Variants in HS3ST4 observed in about 807,000 individuals in gnomAD.
HS3ST4 encodes heparan sulfate glucosamine 3-O-sulfotransferase 4.
A neutral mutation model predicts 29.2 loss-of-function variants in HS3ST4; 17 were observed. The observed-to-expected ratio is 0.58, with a 90% CI of 0.40 to 0.87. HS3ST4 has a LOEUF of 0.87. Among genes scored for constraint, HS3ST4 ranks in the 40% least tolerant of loss-of-function variants. The pLI is 0.00. For synonymous variants in HS3ST4, 314 were observed against 285.7 expected, an observed-to-expected ratio of 1.10 and a Z score of -1.00; for missense variants, 627 against 634.5, an observed-to-expected ratio of 0.99 and a Z score of 0.13.
chr16:25,938,799 T>G (rs1480564712), intron 1 of HS3ST4, among the ~76,000 whole-genome samples: 1 of 152,174 alleles, frequency 6.6e-6, no homozygotes, highest in Non-Finnish European at 1.5e-5. Flanking sequence ...CTTTGATCAC[T>G]TGGACAGGGC....
At chr16:26,041,973 A>G (rs1969639817) in intron 1 of HS3ST4, among the ~76,000 whole-genome samples, 1 of 152,174 alleles carries the variant, frequency 6.6e-6, no homozygotes, top group Admixed American at 6.5e-5. Flanking sequence ...GCAGGTCATT[A>G]AGATGTAGGT....
At chr16:25,792,678 G>A (rs538320833) in intron 1 of HS3ST4, among the ~76,000 whole-genome samples, 1 of 151,774 alleles carries the variant, frequency 6.6e-6, no homozygotes, top group African/African-American at 2.4e-5. Flanking sequence ...AATTTATGCA[G>A]TTTCTCTGTT....
At chr16:26,099,152 T>C (rs1898963766) in intron 1 of HS3ST4, among the ~76,000 whole-genome samples, 1 of 152,174 alleles carries the variant, frequency 6.6e-6, no homozygotes, top group South Asian at 2.1e-4. Context: ...ATCTGGTATA[T>C]GTCAGAGCTA....
intron 1 of HS3ST4, among the ~76,000 whole-genome samples, chr16:25,781,926 A>G (rs1966852998): frequency 6.6e-6 from 1 of 152,166 alleles, no homozygotes. Context: ...CAGAAAAACA[A>G]AAACAAACTC....
chr16:26,110,915 C>T (rs560889155), intron 1 of HS3ST4, among the ~76,000 whole-genome samples: 1 of 152,056 alleles, frequency 6.6e-6, no homozygotes, highest in Non-Finnish European at 1.5e-5. Context: ...TTCACTATTT[C>T]TTTTTAGAAC....
At chr16:25,874,827 T>C (rs58030117) in intron 1 of HS3ST4, among the ~76,000 whole-genome samples, 5,064 of 152,266 alleles carry the variant, frequency 0.033, 86 homozygotes, top group South Asian at 0.072. Flanking sequence ...TGGAGCCATG[T>C]AGTTTTGGAT....
At chr16:25,891,915 A>G (rs150210921) in intron 1 of HS3ST4, among the ~76,000 whole-genome samples, 4 of 152,332 alleles carry the variant, frequency 2.6e-5, no homozygotes, top group African/African-American at 9.6e-5. Flanking sequence ...TTGCTTCTTC[A>G]TCTATGAAAT....
chr16:25,999,790 T>TTTTATATATATA (rs1193898215), intron 1 of HS3ST4, among the ~76,000 whole-genome samples: 1 of 138,800 alleles, frequency 7.2e-6, no homozygotes, highest in East Asian at 2.0e-4. Context: ...ATTATATATA[T>TTTTATATATATA]TTTATATATA....
rs373322886 is a variant in HS3ST4 at position 26,031,667 on chromosome 16, G to A, written c.735-103945G>A. Among the ~76,000 whole-genome samples, 104 of 150,900 alleles carry A rather than the reference G, an allele frequency of 6.9e-4. No homozygotes were observed. The South Asian group carries it at 0.02, about 29-fold the overall frequency. On this transcript the variant is annotated intron_variant, in intron 1 of 1. Transcript: ENST00000331351. ...TGTCAATAGGAGCCTCTGGCCCGAC[G>A]CACCGGCCACAGGGCCCAGCAGAAA...
At chr16:25,766,415 A>G (rs987002693) in intron 1 of HS3ST4, among the ~76,000 whole-genome samples, 3 of 152,198 alleles carry the variant, frequency 2.0e-5, no homozygotes, top group African/African-American at 7.2e-5. Flanking sequence ...TTGGAGTCAA[A>G]AGAGCTTGGT....
rs193275751 is a variant in HS3ST4, at chr16:26,005,510, A to G, written c.735-130102A>G. 1.9e-3 allele frequency among the ~76,000 whole-genome samples: 292 copies of G among 152,206 alleles called. 1 individual carries two copies. The highest frequency in any genetic ancestry group is 3.5e-3 in the Non-Finnish European group (238 of 68,006). ...GGTAATAGGGCTTATCTAAACCAGG[A>G]TTTGTTTACATTATTGACTGGAGTT... On this transcript the variant is annotated intron_variant, in intron 1 of 1. Coordinates refer to ENST00000331351, the MANE Select transcript of HS3ST4 (RefSeq NM_006040.3).
intron 1 of HS3ST4, among the ~76,000 whole-genome samples, chr16:25,804,916 A>G (rs190512561): frequency 2.0e-5 from 3 of 152,162 alleles, no homozygotes; most frequent in Admixed American, 2.0e-4. Flanking sequence ...ATTGTCTATT[A>G]CTGTTATTAC....
intron 1 of HS3ST4, among the ~76,000 whole-genome samples, chr16:25,907,983 A>C (rs904272123): frequency 1.3e-5 from 2 of 152,230 alleles, no homozygotes; most frequent in African/African-American, 4.8e-5. Flanking sequence ...ATAACCTTAG[A>C]GACACACGGA....
chr16:25,905,407 G>A lies in HS3ST4; in HGVS notation c.734+212256G>A, dbSNP rs542822818. ...AGGGGGTTCTGCATTGAGGAAGAAG[G>A]TGGATGCAGCAGAGGGAACATGTTG... On this transcript the variant is annotated intron_variant, in intron 1 of 1. Transcript: ENST00000331351. 6.9e-4 allele frequency among the ~76,000 whole-genome samples: 105 copies of A among 152,268 alleles called. 1 individual carries two copies. Among genetic ancestry groups the A allele is most frequent in the African/African-American group, 2.4e-3 (101 of 41,550 alleles).
intron 1 of HS3ST4, among the ~76,000 whole-genome samples, chr16:25,960,162 C>G (rs1335457076): frequency 6.6e-6 from 1 of 151,980 alleles, no homozygotes; most frequent in East Asian, 1.9e-4. Context: ...GGGACCTTCC[C>G]CATTTCTCCC....
chr16:25,932,344 A>T (rs1219314594), intron 1 of HS3ST4, among the ~76,000 whole-genome samples: 2 of 152,188 alleles, frequency 1.3e-5, no homozygotes, highest in Admixed American at 6.5e-5. Flanking sequence ...TCTGCTCTGT[A>T]CTTGGTGCTC....
In HS3ST4 at chr16:25,819,593, G is replaced by C. The variant is rs920163192; in HGVS notation, c.734+126442G>C. Among the ~76,000 whole-genome samples, 13 of 152,290 alleles carry C rather than the reference G, an allele frequency of 8.5e-5. No homozygotes were observed. In the East Asian group the frequency reaches 2.5e-3, roughly 29 times the overall value. ...GAATTCAGTGATCACTCACAGAACT[G>C]TGGTCCTGTGTGAAATGTCAACTCC... is the stretch of plus-strand genomic sequence containing the variant. On this transcript the variant is annotated intron_variant, in intron 1 of 1. Coordinates refer to ENST00000331351, the MANE Select transcript of HS3ST4 (RefSeq NM_006040.3).
At chr16:26,052,228 C>G (rs989932611) in intron 1 of HS3ST4, among the ~76,000 whole-genome samples, 5 of 152,104 alleles carry the variant, frequency 3.3e-5, no homozygotes, top group African/African-American at 1.2e-4. Context: ...GGCATTCCAT[C>G]GGACCCTTTT....
chr16:26,010,809 C>T (rs756139792), intron 1 of HS3ST4, among the ~76,000 whole-genome samples: 13 of 152,124 alleles, frequency 8.5e-5, no homozygotes, highest in Admixed American at 4.6e-4. Context: ...AAAATTATTG[C>T]GATAACTTAT....
Sources: allele counts gnomAD v4.1 joint callset (sites outside exome capture counted in the v4.1 genomes callset), GRCh38; gene constraint gnomAD v4.1.1; transcripts MANE v1.5; gene names NCBI Gene and HGNC (gene_info 2026-07-23, HGNC 2026-07-21).